Variants in FABP3 observed in about 807,000 individuals in gnomAD.
FABP3 encodes the protein fatty acid-binding protein, heart.
In FABP3, 8 loss-of-function variants were observed where a neutral mutation model predicts 13.4. That is an observed-to-expected ratio of 0.60 (90% CI 0.35 to 1.07). The LOEUF (loss-of-function observed/expected upper bound fraction) is 1.07, where lower values mean the gene tolerates loss of function less well. Among genes scored for constraint, FABP3 ranks in the 50% least tolerant of loss-of-function variants. FABP3 has a pLI of 0.02. For missense variants in FABP3, 135 were observed against 164.7 expected, an observed-to-expected ratio of 0.82 and a Z score of 0.99; for synonymous variants, 64 against 60.0, an observed-to-expected ratio of 1.07 and a Z score of -0.31.
At chr1:31,367,026 CA>C (rs1640125181) in intron 3 of FABP3, among the ~76,000 whole-genome samples, 1 of 152,188 alleles carries the variant, frequency 6.6e-6, no homozygotes, top group African/African-American at 2.4e-5. Context: ...GAAGAGCAAA[CA>C]AAGGACATGG....
At chr1:31,367,721 T>G (rs1158941054) in intron 2 of FABP3, among the ~76,000 whole-genome samples, 3 of 152,126 alleles carry the variant, frequency 2.0e-5, no homozygotes, top group Non-Finnish European at 4.4e-5. Flanking sequence ...CTTCAGATAT[T>G]AGGCAAGGAG....
intron 1 of FABP3, 116 bp downstream of exon 1, chr1:31,372,826 G>C (rs1025631845): frequency 4.9e-6 from 5 of 1,015,358 alleles, no homozygotes; most frequent in Non-Finnish European, 6.0e-6. Context: ...TGCCATCTCC[G>C]CGCTCCCCTA....
chr1:31,360,058 C>T, the FABP3 span, among the ~76,000 whole-genome samples: 1 of 151,952 alleles, frequency 6.6e-6, no homozygotes, highest in African/African-American at 2.4e-5. Context: ...TTGGCTGACC[C>T]CAACCTCTGC....
Position 31,365,879 on chromosome 1 carries a change from A to T in FABP3, c.*7T>A. The T allele has an allele frequency of 6.2e-7, 1 of 1,613,898 alleles. No homozygotes were observed. The highest frequency in any genetic ancestry group is 1.1e-5 in the South Asian group (1 of 91,068). Reference sequence around the variant, plus strand: ...GCAGAGTAGTAGTCAGCAACAGTGCAGTCAGGTCATGCCTCTTTCTCATAA... The same window carrying T: ...GCAGAGTAGTAGTCAGCAACAGTGCTGTCAGGTCATGCCTCTTTCTCATAA... On this transcript the variant is annotated 3_prime_UTR_variant, in exon 4 of 4. Transcript: ENST00000373713.
chr1:31,372,844 G>A, intron 1 of FABP3, 98 bp downstream of exon 1: 4 of 1,233,078 alleles, frequency 3.2e-6, no homozygotes, highest in Non-Finnish European at 4.7e-6. Flanking sequence ...CTATTCCCCA[G>A]TCTTAACCAG....
intron 2 of FABP3, among the ~76,000 whole-genome samples, chr1:31,367,750 G>C (rs906809648): frequency 1.3e-5 from 2 of 152,214 alleles, no homozygotes; most frequent in Non-Finnish European, 2.9e-5. Flanking sequence ...AGGCAGTATG[G>C]TGGAGCCAGA....
At chr1:31,362,773 G>T (rs982465564), downstream of FABP3, among the ~76,000 whole-genome samples, 1 of 152,156 alleles carries the variant, frequency 6.6e-6, no homozygotes, top group Non-Finnish European at 1.5e-5. Flanking sequence ...ACTGTTTCTA[G>T]ATAGACTGGC....
At chr1:31,363,146 C>T (rs1412421755), downstream of FABP3, among the ~76,000 whole-genome samples, 1 of 148,358 alleles carries the variant, frequency 6.7e-6, no homozygotes, top group Non-Finnish European at 1.5e-5. Context: ...CTTGTTGGCA[C>T]TTAAAGATTT....
downstream of FABP3, among the ~76,000 whole-genome samples, chr1:31,361,200 G>T (rs902151102): frequency 1.7e-4 from 26 of 152,190 alleles, no homozygotes; most frequent in African/African-American, 2.4e-5. Context: ...GGTAATGTGG[G>T]TCTGAGAAGC....
chr1:31,363,245 A>T (rs1343268908), downstream of FABP3, among the ~76,000 whole-genome samples: 2 of 146,218 alleles, frequency 1.4e-5, no homozygotes, highest in Non-Finnish European at 3.0e-5. Context: ...GTGCAGTGGC[A>T]CAATCTTAGC....
intron 3 of FABP3, among the ~76,000 whole-genome samples, chr1:31,366,673 G>C (rs571248768): frequency 7.6e-4 from 116 of 152,334 alleles, no homozygotes; most frequent in Admixed American, 2.2e-3. Flanking sequence ...GGTCTGGGGG[G>C]AATTCAGTCA....
chr1:31,361,596 C>T (rs1639896418), downstream of FABP3, among the ~76,000 whole-genome samples: 1 of 152,162 alleles, frequency 6.6e-6, no homozygotes, highest in Admixed American at 6.5e-5. Context: ...CATGAGGCCT[C>T]CTGTTACCAT....
chr1:31,364,448 C>T (rs1640055642), downstream of FABP3: 2 of 522,962 alleles, frequency 3.8e-6, no homozygotes, highest in African/African-American at 3.8e-5. Flanking sequence ...ATTCATTCAC[C>T]CAACTTCCTT....
downstream of FABP3, among the ~76,000 whole-genome samples, chr1:31,362,229 A>G (rs978109746): frequency 3.3e-5 from 5 of 152,210 alleles, no homozygotes; most frequent in East Asian, 1.9e-4. Flanking sequence ...GTCCAGGTCT[A>G]TCTAACACCT....
In FABP3 at chr1:31,365,857, GAGT is replaced by G. The variant is rs776191827; in HGVS notation, c.*26_*28del. 22 of 1,609,144 alleles carry G rather than the reference GAGT, an allele frequency of 1.4e-5. No homozygotes were observed. The East Asian group carries it at 3.6e-4, about 26-fold the overall frequency. On this transcript the variant is annotated 3_prime_UTR_variant, in exon 4 of 4. Coordinates refer to ENST00000373713, the MANE Select transcript of FABP3 (RefSeq NM_004102.5). ...TGAGTCGAGGGGTAGCCGATTGGCA[GAGT>G]AGTAGTCAGCAACAGTGCAGTCAGG...
In FABP3 at chr1:31,373,061, C is replaced by T; in HGVS notation, c.-47G>A. On this transcript the variant is annotated 5_prime_UTR_variant, in exon 1 of 4. Transcript: ENST00000373713. ...GAGAAGCTACAAGAGAGCAGGCGTG[C>T]AAGGGCTCCGACGGCGGCTCCCTGC... 3 of 1,588,810 alleles carry T rather than the reference C, an allele frequency of 1.9e-6. No individual in the cohort carries two copies. The highest frequency in any genetic ancestry group is 2.6e-6 in the Non-Finnish European group (3 of 1,158,020).
intron 2 of FABP3, chr1:31,369,125 C>T (rs761210310): frequency 4.5e-6 from 2 of 446,280 alleles, no homozygotes; most frequent in South Asian, 8.9e-5. Context: ...AGAAGAACAT[C>T]CTGGCTCTGT....
chr1:31,368,854 G>A (rs140503598), intron 2 of FABP3, among the ~76,000 whole-genome samples: 3 of 152,344 alleles, frequency 2.0e-5, no homozygotes, highest in Non-Finnish European at 2.9e-5. Context: ...GTTTGTCAGG[G>A]TCATTGGCCA....
At chr1:31,363,796 A>G (rs1640022321), downstream of FABP3, among the ~76,000 whole-genome samples, 1 of 152,118 alleles carries the variant, frequency 6.6e-6, no homozygotes, top group African/African-American at 2.4e-5. Context: ...AAGAAAATTA[A>G]GTGGTCCCCT....
Sources: allele counts gnomAD v4.1 joint callset (sites outside exome capture counted in the v4.1 genomes callset), GRCh38; gene constraint gnomAD v4.1.1; transcripts MANE v1.5; gene names NCBI Gene and HGNC (gene_info 2026-07-23, HGNC 2026-07-21).